KIF21A: variants seen among roughly 807,000 people sequenced by gnomAD.
KIF21A encodes the protein kinesin family member 21A.
Under a neutral mutation model 202.9 loss-of-function variants are expected in KIF21A, and 114 were observed. The observed-to-expected ratio is 0.56, with a 90% confidence interval of 0.48 to 0.66. The LOEUF is 0.66. Among genes scored for constraint, KIF21A ranks in the 30% least tolerant of loss-of-function variants. The pLI is 0.00. For synonymous variants in KIF21A, 667 were observed against 670.8 expected (o/e 0.99, Z 0.09); for missense variants, 1,677 against 1,994.9 (o/e 0.84, Z 3.04).
At chr12:39,307,208 G>A (rs953653618) in intron 34 of KIF21A, among the ~76,000 whole-genome samples, 2 of 151,896 alleles carry the variant, frequency 1.3e-5, no homozygotes, top group East Asian at 1.9e-4. Context: ...ATGTTTAAAC[G>A]ATGTTGCAAG....
intron 12 of KIF21A, among the ~76,000 whole-genome samples, chr12:39,343,488 A>G (rs1947626965): frequency 6.6e-6 from 1 of 152,210 alleles, no homozygotes; most frequent in Admixed American, 6.5e-5. Context: ...GAATAGCTTA[A>G]TAACAGCTAT....
rs1207587497 is a variant in KIF21A at position 39,325,334 on chromosome 12, T to TTA, written c.3456+504_3456+505insTA. Among the ~76,000 whole-genome samples the TTA allele has an allele frequency of 1.0e-3, 70 of 67,152 alleles. No homozygotes were observed. The African/African-American group carries it at 0.012, about 11-fold the overall frequency. 44.1% of individuals were successfully genotyped at this position (67,152 alleles called of 152,430 possible). On this transcript the variant is annotated intron_variant, in intron 26 of 37. Coordinates refer to ENST00000361418, the MANE Select transcript of KIF21A (RefSeq NM_001173464.2). ...AAAGCCCAATTTCCACCAAGGAGAA[T>TTA]TTTTTTTTTTTTTTTGAGACGGAGT...
chr12:39,415,400 C>A (rs1015603861), intron 1 of KIF21A, among the ~76,000 whole-genome samples: 1 of 151,698 alleles, frequency 6.6e-6, no homozygotes, highest in African/African-American at 2.4e-5. Flanking sequence ...CCACCACGCC[C>A]GGCTAATTTT....
chr12:39,434,742 A>C (rs1938444261), intron 1 of KIF21A, among the ~76,000 whole-genome samples: 1 of 152,194 alleles, frequency 6.6e-6, no homozygotes, highest in Admixed American at 6.5e-5. Context: ...AAAGTAAATA[A>C]GAAGGAATAC....
intron 28 of KIF21A, among the ~76,000 whole-genome samples, chr12:39,318,924 T>G (rs1328446107): frequency 2.0e-5 from 3 of 150,400 alleles, no homozygotes; most frequent in African/African-American, 7.4e-5. Flanking sequence ...GAGTTTGCAG[T>G]GAGCCGAGAT....
chr12:39,322,643 G>T, intron 27 of KIF21A, 25 bp downstream of exon 27: 1 of 1,571,678 alleles, frequency 6.4e-7, no homozygotes, highest in East Asian at 2.2e-5. Flanking sequence ...AAGAAAAGAA[G>T]TTAGTGTAGC....
In KIF21A at chr12:39,425,475, A is replaced by G. The variant is rs185868783; in HGVS notation, c.44+17452T>C. Among the ~76,000 whole-genome samples, 4 of 152,312 alleles carry G rather than the reference A, an allele frequency of 2.6e-5. No homozygotes were observed. In the East Asian group the frequency reaches 7.7e-4, roughly 29 times the overall value. ...CTATGTGCCTGCTGATGTATTAAGCATCCAGACAGAGGACAAACAAGAAAT... is the reference window on the plus strand; with the variant it reads ...CTATGTGCCTGCTGATGTATTAAGCGTCCAGACAGAGGACAAACAAGAAAT... On this transcript the variant is annotated intron_variant, in intron 1 of 37. Transcript: ENST00000361418.
chr12:39,421,338 C>G (rs78474440), intron 1 of KIF21A, among the ~76,000 whole-genome samples: 1 of 152,032 alleles, frequency 6.6e-6, no homozygotes, highest in African/African-American at 2.4e-5. Context: ...TTCTCTGTGT[C>G]GTTAAGAACA....
chr12:39,433,164 AC>A (rs1301841179), intron 1 of KIF21A, among the ~76,000 whole-genome samples: 4 of 152,204 alleles, frequency 2.6e-5, no homozygotes, highest in Admixed American at 6.5e-5. Flanking sequence ...AATAAAAATA[AC>A]TTTCTTATGG....
chr12:39,398,360 G>A (rs1021778807), intron 1 of KIF21A, among the ~76,000 whole-genome samples: 1 of 152,192 alleles, frequency 6.6e-6, no homozygotes, highest in African/African-American at 2.4e-5. Context: ...AGCACTTTGG[G>A]AGGCTGAGGC....
Position 39,341,132 on chromosome 12 carries a change from G to A in KIF21A, c.1922-38C>T, listed in dbSNP as rs774214708. On this transcript the variant is annotated intron_variant, in intron 14 of 37. Transcript: ENST00000361418. ...GAAGAAAATAAAAATCCTGGTGCTA[G>A]GCCAAAATATCAGAATTCTAGCTTT... The A allele has an allele frequency of 9.1e-6, 13 of 1,430,224 alleles. No individual in the cohort carries two copies. The South Asian group carries it at 1.6e-4, about 17-fold the overall frequency. The allele number at this position is 1,430,224 out of a possible 1,614,324, so 88.6% of individuals were successfully genotyped here.
At chr12:39,434,201 G>A (rs557548861) in intron 1 of KIF21A, among the ~76,000 whole-genome samples, 28 of 152,264 alleles carry the variant, frequency 1.8e-4, no homozygotes, top group East Asian at 5.8e-4. Flanking sequence ...ATCCTAAGGC[G>A]GAAGGCAGAA....
chr12:39,299,593 CA>C (rs1415472156), intron 37 of KIF21A, among the ~76,000 whole-genome samples: 1 of 152,170 alleles, frequency 6.6e-6, no homozygotes, highest in African/African-American at 2.4e-5. Context: ...TCAGCAATCT[CA>C]TTACTGGGTG....
chr12:39,398,696 A>G (rs1328728154), intron 1 of KIF21A, among the ~76,000 whole-genome samples: 3 of 152,222 alleles, frequency 2.0e-5, no homozygotes, highest in Admixed American at 1.3e-4. Context: ...GAAGATGAAT[A>G]AGTATATAGT....
chr12:39,313,104 T>C (rs1331716625), intron 31 of KIF21A, among the ~76,000 whole-genome samples: 1 of 151,918 alleles, frequency 6.6e-6, no homozygotes, highest in African/African-American at 2.4e-5. Context: ...TGGAGATTTA[T>C]TCAATAAATT....
At chr12:39,326,126 A>C in intron 25 of KIF21A, 138 bp downstream of exon 25, 1 of 756,286 alleles carries the variant, frequency 1.3e-6, no homozygotes, top group Non-Finnish European at 2.3e-6. Context: ...CTTGGTTTCT[A>C]TTTACTGTTT....
At chr12:39,433,684 C>T (rs1164740526) in intron 1 of KIF21A, among the ~76,000 whole-genome samples, 2 of 151,740 alleles carry the variant, frequency 1.3e-5, no homozygotes, top group African/African-American at 2.4e-5. Flanking sequence ...TTTACAAACA[C>T]GAAGAACTGT....
intron 1 of KIF21A, among the ~76,000 whole-genome samples, chr12:39,415,060 G>A (rs1156864340): frequency 1.3e-5 from 2 of 151,386 alleles, no homozygotes; most frequent in Non-Finnish European, 2.9e-5. Flanking sequence ...CAAGCCTAAT[G>A]AAGTTAGTCT....
chr12:39,413,166 T>A (rs1953253638), intron 1 of KIF21A, among the ~76,000 whole-genome samples: 1 of 151,402 alleles, frequency 6.6e-6, no homozygotes, highest in African/African-American at 2.5e-5. Flanking sequence ...TAACTGAACT[T>A]CTTCTTTATA....
Sources: gnomAD v4.1 joint callset for allele counts (sites outside exome capture counted in the v4.1 genomes callset) on GRCh38, gnomAD v4.1.1 for gene constraint, MANE v1.5 for transcripts, NCBI Gene and HGNC (gene_info 2026-07-23, HGNC 2026-07-21) for gene names.